The following ASTL variants were observed in gnomAD, a reference collection of about 807,000 sequenced individuals.
ASTL encodes astacin like metalloendopeptidase.
A neutral mutation model predicts 36.7 loss-of-function variants in ASTL; 27 were observed. The observed-to-expected ratio is 0.73, with a 90% confidence interval of 0.54 to 1.01. The LOEUF (loss-of-function observed/expected upper bound fraction) is 1.01. ASTL is among the 50% of genes least tolerant of loss of function. ASTL has a pLI of 0.00. For synonymous variants in ASTL, 222 were observed against 228.1 expected, an observed-to-expected ratio of 0.97 and a Z score of 0.24; for missense variants, 524 against 572.8, an observed-to-expected ratio of 0.91 and a Z score of 0.87.
rs572036238 is a variant in ASTL, at chr2:96,131,850, C to T, written c.637+690G>A. 2.0e-5 allele frequency among the ~76,000 whole-genome samples: 3 copies of T among 152,346 alleles called. No homozygotes were observed. The East Asian group carries it at 5.8e-4, about 29-fold the overall frequency. The stretch of plus-strand genomic sequence containing the variant: ...CAGACTCCCACCCAAACCTCCTCTG[C>T]CCCTCCCTCGTGGGGCTCTTCCTGC... On this transcript the variant is annotated intron_variant, in intron 6 of 8. Transcript: ENST00000342380.
At chr2:96,138,511 C>T (rs991048285), upstream of ASTL, 46 of 1,259,760 alleles carry the variant, frequency 3.7e-5, no homozygotes, top group South Asian at 1.0e-4. Context: ...GCAGAACCGG[C>T]ACCACCACCC....
intron 6 of ASTL, 151 bp from the exon 7 acceptor site, chr2:96,130,296 C>T (rs1027020540): frequency 1.9e-5 from 13 of 669,104 alleles, no homozygotes; most frequent in Non-Finnish European, 3.5e-5. Flanking sequence ...TGGTACCAGT[C>T]CCACTTTCCC....
intron 8 of ASTL, among the ~76,000 whole-genome samples, chr2:96,127,274 A>G (rs1318245357): frequency 6.6e-6 from 1 of 152,204 alleles, no homozygotes; most frequent in Admixed American, 6.6e-5. Flanking sequence ...TGCATGCAAG[A>G]TGACCTAGGA....
chr2:96,128,423 C>T (rs1382842272), intron 8 of ASTL, among the ~76,000 whole-genome samples: 1 of 152,092 alleles, frequency 6.6e-6, no homozygotes, highest in Non-Finnish European at 1.5e-5. Context: ...TTTTTCTAAA[C>T]ATGTTAAAGT....
Position 96,130,051 on chromosome 2 carries a change from G to C in ASTL, c.719+13C>G. 6.2e-7 allele frequency: 1 copy of C among 1,613,378 alleles called. No homozygotes were observed. The highest frequency in any genetic ancestry group is 8.5e-7 in the Non-Finnish European group (1 of 1,179,272). On this transcript the variant is annotated intron_variant, in intron 7 of 8. Transcript: ENST00000342380. ...CTGGGGGAAGCAGAGGGAGAAGAAG[G>C]CAGGGTCCTCACCTCCCATAGTGCA... is the stretch of plus-strand genomic sequence containing the variant.
intron 7 of ASTL, 32 bp from the exon 8 acceptor site, chr2:96,130,010 A>G: frequency 6.2e-7 from 1 of 1,612,552 alleles, no homozygotes; most frequent in Non-Finnish European, 8.5e-7. Context: ...CTGAGTCCAG[A>G]TCACCACGGG....
At chr2:96,137,371 G>A (rs1682322949) in intron 2 of ASTL, among the ~76,000 whole-genome samples, 1 of 152,218 alleles carries the variant, frequency 6.6e-6, no homozygotes, top group South Asian at 2.1e-4. Context: ...TCGGGAGGCA[G>A]AGGCAGGAAG....
At chr2:96,137,923 A>G (rs1682339582) in intron 1 of ASTL, 2 of 530,432 alleles carry the variant, frequency 3.8e-6, no homozygotes, top group African/African-American at 3.8e-5. Flanking sequence ...TAGGGGGACC[A>G]AAAGGGACCA....
rs1170435699 is a variant in ASTL, at chr2:96,123,716, G to A, written c.*134C>T. The A allele has an allele frequency of 1.4e-6, 1 of 691,798 alleles. No homozygotes were observed. Among genetic ancestry groups the A allele is most frequent in the Non-Finnish European group, 2.4e-6 (1 of 409,818 alleles). 42.9% of individuals were successfully genotyped at this position (691,798 alleles called of 1,614,324 possible). ...CACAGTGAAGAGAGACAGGGGAAGA[G>A]TCCTGGCCCTCTGAGATGGGGTGGT... On this transcript the variant is annotated 3_prime_UTR_variant, in exon 9 of 9. Coordinates refer to ENST00000342380, the MANE Select transcript of ASTL (RefSeq NM_001002036.4).
Position 96,132,297 on chromosome 2 carries a change from T to C in ASTL, c.637+243A>G, listed in dbSNP as rs1280914975. On this transcript the variant is annotated intron_variant, in intron 6 of 8. Transcript: ENST00000342380. The surrounding 1 kb of genome is among the most constrained non-coding windows in gnomAD (Gnocchi z 5.4). ...ATGAGAAGCGAGACAAAGCAGGTGG[T>C]GGCGCCCTAGCTAAGGCACAACTAC... Among the ~76,000 whole-genome samples, 2 of 152,114 alleles carry C rather than the reference T, an allele frequency of 1.3e-5. No homozygotes were observed. The highest frequency in any genetic ancestry group is 4.8e-5 in the African/African-American group (2 of 41,434).
chr2:96,128,230 CAAA>C (rs541968437), intron 8 of ASTL, among the ~76,000 whole-genome samples: 5 of 114,798 alleles, frequency 4.4e-5, no homozygotes, highest in East Asian at 2.4e-4. Flanking sequence ...GAAACTGTCT[CAAA>C]AAAAAAAAAA....
intron 6 of ASTL, among the ~76,000 whole-genome samples, chr2:96,130,431 C>T (rs531288273): frequency 1.3e-5 from 2 of 152,332 alleles, no homozygotes; most frequent in South Asian, 2.1e-4. Flanking sequence ...TCAGTCTGCA[C>T]GGGGCTGGTC....
In ASTL at chr2:96,132,803, C is replaced by T. The variant is rs1682211389; in HGVS notation, c.456-82G>A. The T allele has an allele frequency of 7.5e-6, 10 of 1,336,000 alleles. No homozygotes were observed. In the Admixed American group the frequency reaches 1.0e-4, roughly 14 times the overall value. 82.8% of individuals were successfully genotyped at this position (1,336,000 alleles called of 1,614,324 possible). On this transcript the variant is annotated intron_variant, in intron 5 of 8. Transcript: ENST00000342380. The surrounding 1 kb of genome is among the most constrained non-coding windows in gnomAD (Gnocchi z 5.4). Reference sequence around the variant, plus strand: ...CAGACCTGGGCTCTCCCTCCCCACACAACACAAGATAGACAAACTCCCAAC... The same window carrying T: ...CAGACCTGGGCTCTCCCTCCCCACATAACACAAGATAGACAAACTCCCAAC...
rs1681995685 is a variant in ASTL, at chr2:96,123,343, G to A, written c.*507C>T. On this transcript the variant is annotated 3_prime_UTR_variant, in exon 9 of 9. Coordinates refer to ENST00000342380, the MANE Select transcript of ASTL (RefSeq NM_001002036.4). Reference sequence around the variant, plus strand: ...GGCTCTCAAAGCCTCCTGGAGAGAAGGGCTGGAGGCTACACTGCTGTAGAA... The same window carrying A: ...GGCTCTCAAAGCCTCCTGGAGAGAAAGGCTGGAGGCTACACTGCTGTAGAA... Among the ~76,000 whole-genome samples the A allele has an allele frequency of 6.6e-6, 1 of 152,216 alleles. No homozygotes were observed. Among genetic ancestry groups the A allele is most frequent in the Non-Finnish European group, 1.5e-5 (1 of 68,022 alleles).
At chr2:96,138,518 ACCC>A (rs1316265374), upstream of ASTL, 2 of 1,202,886 alleles carry the variant, frequency 1.7e-6, no homozygotes, top group East Asian at 5.1e-5. Flanking sequence ...CGGCACCACC[ACCC>A]CCTCTTAAAT....
chr2:96,138,252 T>C lies in ASTL; in HGVS notation c.55+130A>G, dbSNP rs1682345627. 7.9e-6 allele frequency: 7 copies of C among 882,664 alleles called. No individual in the cohort carries two copies. In the East Asian group the frequency reaches 1.1e-4, roughly 13 times the overall value. 54.7% of individuals were successfully genotyped at this position (882,664 alleles called of 1,614,324 possible). A position where few individuals can be genotyped will look rare whatever the true frequency, so the allele number is the denominator to read the frequency against. ...CAGGAGCTGACTTCTAGAATAACCC[T>C]GGAGAGCTCTGTGCTCTGAGCTACT... On this transcript the variant is annotated intron_variant, in intron 1 of 8. Coordinates refer to ENST00000342380, the MANE Select transcript of ASTL (RefSeq NM_001002036.4).
chr2:96,131,375 C>T (rs1440079487), intron 6 of ASTL, among the ~76,000 whole-genome samples: 1 of 151,924 alleles, frequency 6.6e-6, no homozygotes, highest in Non-Finnish European at 1.5e-5. Context: ...GAGAAGCTTT[C>T]GGTTTTGATG....
intron 2 of ASTL, among the ~76,000 whole-genome samples, chr2:96,135,935 T>A (rs932699215): frequency 2.0e-5 from 3 of 152,164 alleles, no homozygotes; most frequent in African/African-American, 7.2e-5. Flanking sequence ...CCCTGGGGTC[T>A]CCTGCCCACC....
intron 6 of ASTL, 96 bp from the exon 7 acceptor site, chr2:96,130,241 C>T: frequency 1.1e-6 from 1 of 939,766 alleles, no homozygotes; most frequent in Non-Finnish European, 1.7e-6. Flanking sequence ...GAGCTCATAA[C>T]TCACCCAAGC....
Sources: gnomAD v4.1 joint callset for allele counts (sites outside exome capture counted in the v4.1 genomes callset) on GRCh38, gnomAD v4.1.1 for gene constraint, Gnocchi (gnomAD v3.1) non-coding constraint, MANE v1.5 for transcripts, NCBI Gene and HGNC (gene_info 2026-07-23, HGNC 2026-07-21) for gene names.